The following ZBTB49 variants were observed in gnomAD, a reference collection of about 807,000 sequenced individuals.
The protein encoded by ZBTB49 is zinc finger and BTB domain containing 49.
Under a neutral mutation model 57.5 loss-of-function variants are expected in ZBTB49, and 43 were observed. The ratio of observed to expected loss-of-function variants is 0.75; its 90% CI spans 0.59 to 0.97. The LOEUF is 0.97. ZBTB49 is among the 50% of genes least tolerant of loss of function. ZBTB49 has a pLI of 0.00. For synonymous variants in ZBTB49, 369 were observed against 362.1 expected (o/e 1.02, Z -0.22); for missense variants, 938 against 947.7 (o/e 0.99, Z 0.13).
intron 4 of ZBTB49, among the ~76,000 whole-genome samples, chr4:4,306,831 G>A (rs866084289): frequency 6.6e-6 from 1 of 152,204 alleles, no homozygotes; most frequent in East Asian, 1.9e-4. Context: ...CAGTGCCCTG[G>A]GCTTCCAGAG....
chr4:4,312,585 C>T (rs1721019562), intron 4 of ZBTB49, among the ~76,000 whole-genome samples: 1 of 152,168 alleles, frequency 6.6e-6, no homozygotes, highest in African/African-American at 2.4e-5. Context: ...AATGTCTTCC[C>T]TTCTTTATGA....
chr4:4,304,839 G>A (rs960459877), intron 3 of ZBTB49, among the ~76,000 whole-genome samples: 9 of 152,200 alleles, frequency 5.9e-5, no homozygotes, highest in African/African-American at 1.2e-4. Context: ...CCTGTGAAGT[G>A]TGTATTTACC....
chr4:4,309,206 T>A (rs1347516453), intron 4 of ZBTB49, among the ~76,000 whole-genome samples: 1 of 152,236 alleles, frequency 6.6e-6, no homozygotes. Flanking sequence ...GCAGCCTGCA[T>A]TATGAGGATG....
chr4:4,309,290 C>G (rs546502534), intron 4 of ZBTB49, among the ~76,000 whole-genome samples: 1 of 152,294 alleles, frequency 6.6e-6, no homozygotes, highest in African/African-American at 2.4e-5. Context: ...TGACTGGACA[C>G]TGTATGTGTC....
In ZBTB49 at chr4:4,299,978, G is replaced by A. The variant is rs765634708; in HGVS notation, c.33G>A (p.Leu11=). The part of the protein sequence containing the change: MDPVATHSCH[L]LQQLHEQRIQ... ...CTGTTGCTACCCACAGCTGCCATCTGCTCCAGCAACTGCATGAGCAGCGAA... is the reference window on the plus strand; with the variant it reads ...CTGTTGCTACCCACAGCTGCCATCTACTCCAGCAACTGCATGAGCAGCGAA... The change falls in exon 2 of 8, where the codon CTG becomes CTA. Residue 11 remains leucine, a synonymous_variant. Coordinates refer to ENST00000337872, the MANE Select transcript of ZBTB49 (RefSeq NM_145291.4). The A allele has an allele frequency of 6.2e-7, 1 of 1,614,200 alleles. No homozygotes were observed. The highest frequency in any genetic ancestry group is 1.7e-5 in the Admixed American group (1 of 60,024).
intron 5 of ZBTB49, 77 bp downstream of exon 5, chr4:4,313,191 A>G (rs1208471819): frequency 6.4e-7 from 1 of 1,556,542 alleles, no homozygotes; most frequent in East Asian, 2.3e-5. Flanking sequence ...GTGTCTTCTG[A>G]AGTGGTGGCT....
intron 3 of ZBTB49, among the ~76,000 whole-genome samples, chr4:4,305,817 G>A (rs375168667): frequency 6.6e-6 from 1 of 152,330 alleles, no homozygotes; most frequent in East Asian, 1.9e-4. Context: ...GGATCGTGCT[G>A]TTCAGCAGGA....
chr4:4,304,133 C>T (rs1356435107), intron 3 of ZBTB49, among the ~76,000 whole-genome samples: 1 of 151,970 alleles, frequency 6.6e-6, no homozygotes, highest in Non-Finnish European at 1.5e-5. Flanking sequence ...AATTATTCCA[C>T]GTGAAGGCAA....
intron 3 of ZBTB49, 71 bp downstream of exon 3, chr4:4,303,162 T>C: frequency 6.9e-7 from 1 of 1,439,992 alleles, no homozygotes; most frequent in Non-Finnish European, 9.2e-7. Flanking sequence ...CTGGCTCTTC[T>C]TGTTTTTGTA....
In ZBTB49 at chr4:4,290,266, C is replaced by T. The variant is rs759442568; in HGVS notation, c.-106C>T. 6.6e-6 allele frequency: 1 copy of T among 152,278 alleles called. No homozygotes were observed. Among genetic ancestry groups the T allele is most frequent in the Non-Finnish European group, 1.5e-5 (1 of 68,138 alleles). 9.4% of individuals were successfully genotyped at this position (152,278 alleles called of 1,614,324 possible). On this transcript the variant is annotated 5_prime_UTR_variant, in exon 1 of 8. Transcript: ENST00000337872. ...CCAAGGGGGCGTTGTCGTGATGATT[C>T]CGCGGCCAGCGGATCGCTGCGAGTG...
Position 4,291,789 on chromosome 4 carries a change from T to G in ZBTB49, c.-20+1437T>G, listed in dbSNP as rs546144360. On this transcript the variant is annotated intron_variant, in intron 1 of 7. Transcript: ENST00000337872. ...GCATAGATGTGTCTTCCAGGAAGTTTTCCCTGACCCTCCCTCCCAAATTAA... is the reference window on the plus strand; with the variant it reads ...GCATAGATGTGTCTTCCAGGAAGTTGTCCCTGACCCTCCCTCCCAAATTAA... 2.5e-3 allele frequency among the ~76,000 whole-genome samples: 377 copies of G among 152,348 alleles called. 6 individuals carry two copies. Among genetic ancestry groups the G allele is most frequent in the African/African-American group, 8.5e-3 (355 of 41,574 alleles).
At chr4:4,309,369 T>C (rs1046663051) in intron 4 of ZBTB49, among the ~76,000 whole-genome samples, 1 of 152,220 alleles carries the variant, frequency 6.6e-6, no homozygotes, top group Non-Finnish European at 1.5e-5. Context: ...AGAGTATGAC[T>C]GAGTCGCAGT....
Position 4,302,790 on chromosome 4 carries a change from G to T in ZBTB49, c.954G>T (p.Gln318His). The T allele has an allele frequency of 1.2e-6, 2 of 1,614,102 alleles. No homozygotes were observed. Among genetic ancestry groups the T allele is most frequent in the Non-Finnish European group, 1.7e-6 (2 of 1,180,008 alleles). The change falls in exon 3 of 8, where the codon CAG becomes CAT. Residue 318 changes from glutamine to histidine, a missense_variant. Gln to His is a conservative substitution (Grantham distance 24). Around this residue, in one of 3 missense-constraint regions of ZBTB49, gnomAD observed 835 missense variants for 819.1 expected, o/e 1.02. Transcript: ENST00000337872. Reference sequence around the variant, plus strand: ...AGAAGCTCAATTTCCTGAAGTCACAGAAATACGCAGAGCAAGTATCTGAAC... The same window carrying T: ...AGAAGCTCAATTTCCTGAAGTCACATAAATACGCAGAGCAAGTATCTGAAC... The part of the protein sequence containing the change: ...HLKKLNFLKS[Q>H]KYAEQVSEPK...
Position 4,302,260 on chromosome 4 carries a change from C to A in ZBTB49, c.424C>A (p.Pro142Thr). 6.2e-7 allele frequency: 1 copy of A among 1,614,190 alleles called. No homozygotes were observed. Among genetic ancestry groups the A allele is most frequent in the Non-Finnish European group, 8.5e-7 (1 of 1,180,012 alleles). Residue 142 changes from proline (P) to threonine (T), a missense_variant, in exon 3 of 8, where the codon CCA becomes ACA. This residue lies in a region of ZBTB49 where 835 missense variants were observed against 819.1 expected (regional missense o/e 1.02). Coordinates refer to ENST00000337872, the MANE Select transcript of ZBTB49 (RefSeq NM_145291.4). ...ATTGTCTCTACAAAGCACCCTGACC[C>A]CAGATGCCACTTGTGTTATCAGTGA... ...STLSLQSTLT[P>T]DATCVISENY...
chr4:4,293,785 C>G (rs996321527), intron 1 of ZBTB49, among the ~76,000 whole-genome samples: 2 of 152,212 alleles, frequency 1.3e-5, no homozygotes, highest in Non-Finnish European at 2.9e-5. Context: ...TTCTCTCTAG[C>G]TGGGCATCTT....
At chr4:4,320,532 T>G in intron 7 of ZBTB49, 108 bp from the exon 8 acceptor site, 1 of 1,412,050 alleles carries the variant, frequency 7.1e-7, no homozygotes, top group Non-Finnish European at 9.7e-7. Flanking sequence ...CCCAGCTACT[T>G]GAGAGGCTGA....
At chr4:4,319,713 C>T (rs1461880726) in intron 7 of ZBTB49, among the ~76,000 whole-genome samples, 1 of 151,978 alleles carries the variant, frequency 6.6e-6, no homozygotes, top group African/African-American at 2.4e-5. Context: ...CCCAGCTACT[C>T]GGGAGGCTGT....
At chr4:4,297,627 A>T (rs894929757) in intron 1 of ZBTB49, among the ~76,000 whole-genome samples, 1 of 152,110 alleles carries the variant, frequency 6.6e-6, no homozygotes, top group Non-Finnish European at 1.5e-5. Flanking sequence ...TCTGCAAAAA[A>T]TTTTTTAAAT....
intron 1 of ZBTB49, among the ~76,000 whole-genome samples, chr4:4,299,717 T>C (rs1236875199): frequency 1.3e-5 from 2 of 152,034 alleles, no homozygotes; most frequent in Non-Finnish European, 2.9e-5. Flanking sequence ...ATAGAGAGCA[T>C]TTCCATCATG....
Sources: allele counts gnomAD v4.1 joint callset (sites outside exome capture counted in the v4.1 genomes callset), GRCh38; gene constraint gnomAD v4.1.1; regional missense constraint gnomAD v4.1.1; transcripts MANE v1.5; gene names NCBI Gene and HGNC (gene_info 2026-07-23, HGNC 2026-07-21).